The following C5 variants were observed in gnomAD, a reference collection of about 807,000 sequenced individuals.
C5 encodes C3 and PZP-like alpha-2-macroglobulin domain-containing protein 4.
Under a neutral mutation model 218.8 loss-of-function variants are expected in C5, and 140 were observed. The ratio of observed to expected loss-of-function variants is 0.64; its 90% CI spans 0.56 to 0.74. The LOEUF is 0.74. Ranked by LOEUF, C5 falls within the 30% of genes least tolerant of loss-of-function variation. The pLI, the probability that C5 is intolerant of heterozygous loss-of-function variation, is 0.00. For synonymous variants in C5, 614 were observed against 682.3 expected (o/e 0.90, Z 1.56); for missense variants, 1,700 against 1,969.6 (o/e 0.86, Z 2.59).
At chr9:120,996,148 T>C (rs1442212938) in intron 22 of C5, 92 bp downstream of exon 22, 8 of 1,012,580 alleles carry the variant, frequency 7.9e-6, no homozygotes, top group Non-Finnish European at 1.3e-5. Context: ...TTTAGACAAT[T>C]CACTTTCTGA....
Position 121,014,077 on chromosome 9 carries a change from T to G in C5, c.2060-7A>C, listed in dbSNP as rs771490758. On this transcript the variant is annotated splice_polypyrimidine_tract_variant and splice_region_variant and intron_variant, in intron 16 of 40. Transcript: ENST00000223642. ...GAATGTTTATATTTAGCAGCTGAAA[T>G]GGTAATAATGCAAGTGCTCTTGATG... is the stretch of plus-strand genomic sequence containing the variant. 1 of 1,612,192 alleles carries G rather than the reference T, an allele frequency of 6.2e-7. No individual in the cohort carries two copies. The highest frequency in any genetic ancestry group is 1.1e-5 in the South Asian group (1 of 91,036).
At chr9:120,999,346 T>C (rs1490957152) in intron 20 of C5, among the ~76,000 whole-genome samples, 2 of 152,126 alleles carry the variant, frequency 1.3e-5, no homozygotes, top group African/African-American at 4.8e-5. Context: ...TCCCGCTTTT[T>C]ATAGCTTTAC....
chr9:120,969,140 C>A, intron 32 of C5, 22 bp from the exon 33 acceptor site: 1 of 1,604,582 alleles, frequency 6.2e-7, no homozygotes, highest in South Asian at 1.1e-5. Context: ...GACAAGAAAA[C>A]AAACAGACAA....
At chr9:121,056,762 T>C in the C5 span, among the ~76,000 whole-genome samples, 1 of 152,000 alleles carries the variant, frequency 6.6e-6, no homozygotes. Context: ...TAAGAGTTAC[T>C]AGCCTTAAAG....
At chr9:121,069,855 T>C in the C5 span, among the ~76,000 whole-genome samples, 2 of 152,112 alleles carry the variant, frequency 1.3e-5, no homozygotes, top group Non-Finnish European at 1.5e-5. Context: ...TGTAAACTAA[T>C]ATATCCACTA....
chr9:120,966,905 AG>A (rs1159572745), intron 33 of C5, among the ~76,000 whole-genome samples: 1 of 151,996 alleles, frequency 6.6e-6, no homozygotes, highest in Non-Finnish European at 1.5e-5. Flanking sequence ...GCTGGGAGGG[AG>A]GCAGGGAGAA....
chr9:121,043,114 A>C lies in C5; in HGVS notation c.311T>G (p.Leu104Trp). ...GGQNPVSYVY[L>W]EVVSKHFSKS... is the part of the protein sequence containing the mutation. The stretch of plus-strand genomic sequence containing the variant: ...TGAAAAATGCTTTGATACAACTTCC[A>C]AATACACATAAGAAACTGGGTTTTG... The change falls in exon 3 of 41, where the codon TTG becomes TGG. Residue 104 changes from leucine to tryptophan, a missense_variant. Transcript: ENST00000223642. The C allele has an allele frequency of 1.9e-6, 3 of 1,613,424 alleles. No homozygotes were observed.
intron 36 of C5, among the ~76,000 whole-genome samples, chr9:120,962,175 C>T (rs778401140): frequency 1.4e-4 from 21 of 152,206 alleles, no homozygotes; most frequent in African/African-American, 4.6e-4. Flanking sequence ...ATTCTATACC[C>T]GACGCTGCGT....
chr9:121,045,857 C>G (rs1462677065), intron 2 of C5, among the ~76,000 whole-genome samples: 1 of 152,108 alleles, frequency 6.6e-6, no homozygotes, highest in Non-Finnish European at 1.5e-5. Context: ...AAATCATACT[C>G]ATATTTCTCA....
At chr9:120,966,471 T>C (rs1193357467) in intron 33 of C5, among the ~76,000 whole-genome samples, 2 of 152,344 alleles carry the variant, frequency 1.3e-5, no homozygotes, top group Middle Eastern at 3.4e-3. Flanking sequence ...TTCTTACTGG[T>C]AGAGGCTATC....
chr9:121,035,253 T>G (rs2047514312), intron 4 of C5, among the ~76,000 whole-genome samples: 1 of 152,216 alleles, frequency 6.6e-6, no homozygotes, highest in African/African-American at 2.4e-5. Context: ...TGAATTTTGT[T>G]GGCTTTATAA....
intron 5 of C5, among the ~76,000 whole-genome samples, chr9:121,033,621 T>A (rs1460279653): frequency 1.3e-5 from 2 of 152,262 alleles, no homozygotes; most frequent in African/African-American, 2.4e-5. Flanking sequence ...AATAAAATAA[T>A]AGGTTTAATT....
At chr9:120,975,550 G>C (rs1400353421) in intron 29 of C5, among the ~76,000 whole-genome samples, 1 of 152,098 alleles carries the variant, frequency 6.6e-6, no homozygotes, top group Non-Finnish European at 1.5e-5. Context: ...TTTGGGTCAT[G>C]GGGCGTACCA....
intron 39 of C5, among the ~76,000 whole-genome samples, chr9:120,955,664 A>G (rs949491768): frequency 5.3e-5 from 8 of 152,214 alleles, no homozygotes; most frequent in Admixed American, 2.6e-4. Flanking sequence ...AACTTCACAA[A>G]TAAGTTTCAT....
chr9:121,046,853 T>C (rs923082912), intron 1 of C5, among the ~76,000 whole-genome samples: 2 of 152,168 alleles, frequency 1.3e-5, no homozygotes, highest in Non-Finnish European at 2.9e-5. Flanking sequence ...CTGGTAAAGA[T>C]TAAATAAGAA....
rs766463566 is a variant in C5, at chr9:121,025,525, A to C, written c.929T>G (p.Leu310Arg). The C allele has an allele frequency of 6.2e-7, 1 of 1,613,154 alleles. No homozygotes were observed. The highest frequency in any genetic ancestry group is 1.3e-5 in the African/African-American group (1 of 74,884). Residue 310 changes from leucine (L) to arginine (R), a missense_variant, in exon 9 of 41, where the codon CTG (leucine) becomes CGG (arginine). Physicochemically the swap from Leu to Arg is moderately radical, Grantham distance 102 (BLOSUM62 -2). Coordinates refer to ENST00000223642, the MANE Select transcript of C5 (RefSeq NM_001735.3). Reference protein sequence around the residue: ...TFDSETAVKELSYYSLEDLNN... With the variant: ...TFDSETAVKERSYYSLEDLNN... ...TAAATCTTCTAAACTGTAGTATGACAGTTCTTTGACTGCTGTTTCAGAATC... is the reference window on the plus strand; with the variant it reads ...TAAATCTTCTAAACTGTAGTATGACCGTTCTTTGACTGCTGTTTCAGAATC...
At chr9:121,031,685 C>G (rs1463576569) in intron 6 of C5, among the ~76,000 whole-genome samples, 1 of 152,216 alleles carries the variant, frequency 6.6e-6, no homozygotes, top group Non-Finnish European at 1.5e-5. Flanking sequence ...GCCATACGTA[C>G]AGGCTGCCTC....
chr9:121,016,132 A>G (rs1214552349), intron 15 of C5, 122 bp downstream of exon 15: 4 of 1,226,792 alleles, frequency 3.3e-6, no homozygotes, highest in Non-Finnish European at 4.8e-6. Context: ...TATACAGGTG[A>G]GTTATGTAGT....
chr9:121,031,245 T>C (rs140273186), intron 6 of C5, among the ~76,000 whole-genome samples: 248 of 113,638 alleles, frequency 2.2e-3, no homozygotes, highest in African/African-American at 6.1e-3. Context: ...AATGAAAGAT[T>C]AAACTATTTA....
Sources: gnomAD v4.1 joint callset for allele counts (sites outside exome capture counted in the v4.1 genomes callset) on GRCh38, gnomAD v4.1.1 for gene constraint, MANE v1.5 for transcripts, NCBI Gene and HGNC (gene_info 2026-07-23, HGNC 2026-07-21) for gene names.